Variants in ROBO2 observed in about 807,000 individuals in gnomAD.
The protein encoded by ROBO2 is roundabout guidance receptor 2.
In ROBO2, 53 loss-of-function variants were observed where a neutral mutation model predicts 160.8. The observed-to-expected ratio is 0.33, with a 90% confidence interval of 0.26 to 0.41. The LOEUF (loss-of-function observed/expected upper bound fraction) is 0.41. ROBO2 is among the 10% of genes least tolerant of loss of function. The pLI is 1.00. For missense variants in ROBO2, 1,577 were observed against 1,722.4 expected (o/e 0.92, Z 1.49); for synonymous variants, 664 against 611.7 (o/e 1.09, Z -1.26).
At chr3:77,420,437 C>G (rs2077615136) in intron 2 of ROBO2, among the ~76,000 whole-genome samples, 1 of 152,050 alleles carries the variant, frequency 6.6e-6, no homozygotes, top group Admixed American at 6.5e-5. Flanking sequence ...AAAGCCTTCC[C>G]ATTTCAAGGG....
chr3:76,724,707 C>T (rs1207963248), intron 2 of ROBO2, among the ~76,000 whole-genome samples: 1 of 152,048 alleles, frequency 6.6e-6, no homozygotes, highest in Non-Finnish European at 1.5e-5. Flanking sequence ...GAGTAATGGC[C>T]CCAAAGATAT....
At chr3:76,454,530 C>G (rs187413466) in intron 2 of ROBO2, among the ~76,000 whole-genome samples, 238 of 152,204 alleles carry the variant, frequency 1.6e-3, no homozygotes, top group Non-Finnish European at 2.8e-3. Context: ...GGGGTAAGAT[C>G]AGATTGAACA....
chr3:76,458,837 A>T (rs779257154), intron 2 of ROBO2, among the ~76,000 whole-genome samples: 12 of 152,150 alleles, frequency 7.9e-5, no homozygotes, highest in African/African-American at 1.2e-4. Context: ...CTTATTCACT[A>T]TCATGAAAAT....
intron 2 of ROBO2, among the ~76,000 whole-genome samples, chr3:77,285,670 A>G (rs988528291): frequency 6.6e-6 from 1 of 152,168 alleles, no homozygotes; most frequent in Admixed American, 6.5e-5. Flanking sequence ...TTCACTCTCT[A>G]TCTTACATGT....
chr3:76,210,937 C>T (rs949560674), intron 2 of ROBO2, among the ~76,000 whole-genome samples: 1 of 152,050 alleles, frequency 6.6e-6, no homozygotes. Flanking sequence ...TAATTATCTG[C>T]TCAGCACTCT....
intron 2 of ROBO2, among the ~76,000 whole-genome samples, chr3:76,585,858 T>C (rs1450791019): frequency 6.6e-6 from 1 of 152,200 alleles, no homozygotes; most frequent in African/African-American, 2.4e-5. Flanking sequence ...GTATACAGTA[T>C]GTTATATACA....
chr3:77,073,339 G>A (rs2067611480), intron 1 of ROBO2, among the ~76,000 whole-genome samples: 1 of 152,166 alleles, frequency 6.6e-6, no homozygotes, highest in African/African-American at 2.4e-5. Context: ...TATTTGCTAA[G>A]AGAAGAAAGC....
intron 19 of ROBO2, among the ~76,000 whole-genome samples, chr3:77,599,039 C>G (rs1248687814): frequency 6.6e-6 from 1 of 152,056 alleles, no homozygotes; most frequent in Non-Finnish European, 1.5e-5. Flanking sequence ...TGGAGATTTG[C>G]AAGGTTTTTC....
intron 2 of ROBO2, among the ~76,000 whole-genome samples, chr3:76,094,123 C>A (rs1311187290): frequency 6.6e-6 from 1 of 151,696 alleles, no homozygotes; most frequent in South Asian, 2.1e-4. Context: ...ATCTCGAGTG[C>A]ACACTCGCAC....
intron 2 of ROBO2, among the ~76,000 whole-genome samples, chr3:76,212,919 C>A (rs62267414): frequency 6.6e-6 from 1 of 151,826 alleles, no homozygotes; most frequent in Non-Finnish European, 1.5e-5. Context: ...CTTAGTTTCA[C>A]TTTTGGTATT....
chr3:77,247,879 A>C (rs967105527), intron 2 of ROBO2, among the ~76,000 whole-genome samples: 1 of 152,186 alleles, frequency 6.6e-6, no homozygotes, highest in Admixed American at 6.5e-5. Flanking sequence ...GATCCTGGGC[A>C]GAAGACAGTG....
chr3:76,896,102 G>A (rs1559667592), intron 2 of ROBO2, among the ~76,000 whole-genome samples: 1 of 152,052 alleles, frequency 6.6e-6, no homozygotes, highest in Non-Finnish European at 1.5e-5. Flanking sequence ...TCCGCCTCTG[G>A]CAGAAAGAAA....
At chr3:77,434,634 A>C (rs771065036) in intron 2 of ROBO2, among the ~76,000 whole-genome samples, 2 of 151,542 alleles carry the variant, frequency 1.3e-5, no homozygotes, top group Non-Finnish European at 2.9e-5. Context: ...ACTGCGATAC[A>C]CTGCAAAGAA....
intron 2 of ROBO2, among the ~76,000 whole-genome samples, chr3:76,382,260 G>T (rs968740441): frequency 6.6e-6 from 1 of 152,096 alleles, no homozygotes; most frequent in Non-Finnish European, 1.5e-5. Context: ...GAGCCACAGC[G>T]CTCGGCCTCG....
intron 2 of ROBO2, among the ~76,000 whole-genome samples, chr3:76,586,608 C>T (rs1428220160): frequency 1.3e-5 from 2 of 152,208 alleles, no homozygotes; most frequent in Non-Finnish European, 2.9e-5. Flanking sequence ...GAATTTCCCA[C>T]TTATAGCACT....
At chr3:77,285,748 C>T (rs532889509) in intron 2 of ROBO2, among the ~76,000 whole-genome samples, 2 of 152,068 alleles carry the variant, frequency 1.3e-5, no homozygotes, top group Admixed American at 6.6e-5. Flanking sequence ...CTAAACTATG[C>T]ACATGCTCAT....
At chr3:77,039,678 A>C (rs1185974202), upstream of ROBO2, among the ~76,000 whole-genome samples, 1 of 145,220 alleles carries the variant, frequency 6.9e-6, no homozygotes, top group African/African-American at 2.6e-5. Context: ...ACCCCTCCCC[A>C]CTCCCCAGCG....
intron 2 of ROBO2, among the ~76,000 whole-genome samples, chr3:77,295,458 T>C (rs1560468651): frequency 1.3e-5 from 2 of 148,174 alleles, no homozygotes; most frequent in African/African-American, 5.1e-5. Flanking sequence ...AGACATAAAG[T>C]AAAATTGACG....
intron 2 of ROBO2, among the ~76,000 whole-genome samples, chr3:76,132,545 G>A (rs921267656): frequency 6.6e-6 from 1 of 151,988 alleles, no homozygotes; most frequent in African/African-American, 2.4e-5. Context: ...TTGCAAGCAG[G>A]CCTTTCTGAA....
Sources: gnomAD v4.1 joint callset for allele counts (sites outside exome capture counted in the v4.1 genomes callset) on GRCh38, gnomAD v4.1.1 for gene constraint, MANE v1.5 for transcripts, NCBI Gene and HGNC (gene_info 2026-07-23, HGNC 2026-07-21) for gene names.